The following TMPRSS11A variants were observed in gnomAD, a reference collection of about 807,000 sequenced individuals.
The protein encoded by TMPRSS11A is transmembrane protease serine 11A.
A neutral mutation model predicts 58.9 loss-of-function variants in TMPRSS11A; 53 were observed. The ratio of observed to expected loss-of-function variants is 0.90; its 90% CI spans 0.72 to 1.13. The LOEUF is 1.13. Among genes scored for constraint, TMPRSS11A ranks in the 50% most tolerant of loss-of-function variants. The pLI, the probability that TMPRSS11A is intolerant of heterozygous loss-of-function variation, is 0.00. For synonymous variants in TMPRSS11A, 167 were observed against 169.8 expected (o/e 0.98, Z 0.13); for missense variants, 493 against 499.3 (o/e 0.99, Z 0.12).
At chr4:67,939,637 A>G (rs566423040) in intron 3 of TMPRSS11A, among the ~76,000 whole-genome samples, 1 of 152,154 alleles carries the variant, frequency 6.6e-6, no homozygotes, top group African/African-American at 2.4e-5. Flanking sequence ...GTTTAATTTT[A>G]TCAAAAGCTT....
chr4:67,930,171 A>T (rs1332413171), intron 4 of TMPRSS11A, 131 bp from the exon 5 acceptor site: 1 of 675,886 alleles, frequency 1.5e-6, no homozygotes, highest in East Asian at 2.7e-5. Flanking sequence ...CTCTCATGTC[A>T]TTCTGACCCA....
intron 1 of TMPRSS11A, among the ~76,000 whole-genome samples, chr4:67,961,658 A>G (rs960598324): frequency 6.6e-6 from 1 of 151,600 alleles, no homozygotes; most frequent in African/African-American, 2.4e-5. Context: ...CTACAGGTGC[A>G]TGCGCCACCA....
At chr4:67,927,899 C>T (rs533077146) in intron 5 of TMPRSS11A, among the ~76,000 whole-genome samples, 5 of 152,226 alleles carry the variant, frequency 3.3e-5, no homozygotes, top group South Asian at 2.1e-4. Flanking sequence ...CCTTGTATAT[C>T]GTTATAATCT....
intron 3 of TMPRSS11A, among the ~76,000 whole-genome samples, chr4:67,936,042 A>G (rs1265890213): frequency 1.3e-5 from 2 of 152,084 alleles, no homozygotes; most frequent in Non-Finnish European, 1.5e-5. Context: ...TAGAAGAGGA[A>G]GTGACTTGCC....
At chr4:67,948,459 T>C (rs1721082074) in intron 1 of TMPRSS11A, among the ~76,000 whole-genome samples, 1 of 152,180 alleles carries the variant, frequency 6.6e-6, no homozygotes, top group Admixed American at 6.5e-5. Flanking sequence ...CACCCGGTCT[T>C]ACAAAAGTTT....
chr4:67,961,673 C>T (rs926043469), intron 1 of TMPRSS11A, among the ~76,000 whole-genome samples: 10 of 151,648 alleles, frequency 6.6e-5, no homozygotes, highest in African/African-American at 2.2e-4. Context: ...CCACCATGCC[C>T]GGCTAATTGT....
chr4:67,935,468 T>C (rs1228825990), intron 3 of TMPRSS11A, among the ~76,000 whole-genome samples: 1 of 152,214 alleles, frequency 6.6e-6, no homozygotes, highest in Non-Finnish European at 1.5e-5. Flanking sequence ...GTCTCAATTT[T>C]TCTTATCCCT....
At chr4:67,924,104 T>C in intron 6 of TMPRSS11A, 24 bp downstream of exon 6, 1 of 1,604,736 alleles carries the variant, frequency 6.2e-7, no homozygotes, top group Non-Finnish European at 8.5e-7. Flanking sequence ...ATTGAACTTG[T>C]TTATATAAGC....
intron 5 of TMPRSS11A, among the ~76,000 whole-genome samples, chr4:67,926,541 G>A (rs917272144): frequency 7.2e-5 from 11 of 152,188 alleles, no homozygotes; most frequent in Non-Finnish European, 4.4e-5. Context: ...ACATCCCTGA[G>A]GCAGCCGACT....
chr4:67,919,007 G>A lies in TMPRSS11A; in HGVS notation c.918C>T (p.Val306=), dbSNP rs1185524733. The change falls in exon 8 of 10, where the codon GTC becomes GTT. Residue 306 remains valine (V), a synonymous_variant. Coordinates refer to ENST00000508048, the MANE Select transcript of TMPRSS11A (RefSeq NM_001114387.2). The part of the protein sequence containing the change: ...ASASFQPNLT[V]HITGFGALYY... ...AAAGTGCTCCAAATCCTGTGATGTG[G>A]ACAGTCAAATTTGGTTGGAAGGATG... 6.2e-7 allele frequency: 1 copy of A among 1,614,026 alleles called. No individual in the cohort carries two copies.
chr4:67,952,327 G>T (rs183577683), intron 1 of TMPRSS11A, among the ~76,000 whole-genome samples: 30 of 152,244 alleles, frequency 2.0e-4, no homozygotes, highest in Non-Finnish European at 1.8e-4. Flanking sequence ...CCTTGAGAAA[G>T]ATTCTTTTTC....
At position 67,919,138 on chromosome 4, in the gene TMPRSS11A, T is replaced by G. The variant is rs1445731569; in HGVS notation, c.787A>C (p.Lys263Gln). The G allele has an allele frequency of 3.7e-6, 6 of 1,614,208 alleles. No homozygotes were observed. ...TACTCTCTTGCTGCAGAGCGGTACT[T>G]CTCATGGATAATAAATCTTCTGACA... ...RNVRRFIIHE[K>Q]YRSAAREYDI... Residue 263 changes from lysine (K) to glutamine (Q), a missense_variant, in exon 8 of 10, where the codon AAG becomes CAG. Transcript: ENST00000508048.
At chr4:67,942,952 TGTAC>T (rs1273267033) in intron 3 of TMPRSS11A, among the ~76,000 whole-genome samples, 4 of 152,130 alleles carry the variant, frequency 2.6e-5, no homozygotes, top group African/African-American at 9.7e-5. Context: ...TAAAAGCAAG[TGTAC>T]GCAAAATAGC....
intron 1 of TMPRSS11A, among the ~76,000 whole-genome samples, chr4:67,955,128 T>C (rs1449413330): frequency 6.6e-6 from 1 of 152,100 alleles, no homozygotes; most frequent in Admixed American, 6.6e-5. Context: ...TTTAGATAGG[T>C]AAGGTGTCAG....
Position 67,930,251 on chromosome 4 carries a change from G to A in TMPRSS11A, c.321-211C>T, listed in dbSNP as rs569883483. Among the ~76,000 whole-genome samples the A allele has an allele frequency of 2.4e-4, 37 of 152,154 alleles. No homozygotes were observed. In the South Asian group the frequency reaches 7.7e-3, roughly 32 times the overall value. On this transcript the variant is annotated intron_variant, in intron 4 of 9. Coordinates refer to ENST00000508048, the MANE Select transcript of TMPRSS11A (RefSeq NM_001114387.2). ...AGTGCATTTCCCCCATTAATTTGAAGGATTGTTACAGCAGCTAGGAATGAC... is the reference window on the plus strand; with the variant it reads ...AGTGCATTTCCCCCATTAATTTGAAAGATTGTTACAGCAGCTAGGAATGAC...
chr4:67,939,142 T>C (rs924013990), intron 3 of TMPRSS11A, among the ~76,000 whole-genome samples: 1 of 144,260 alleles, frequency 6.9e-6, no homozygotes, highest in African/African-American at 2.7e-5. Context: ...CTTGGTTAGA[T>C]GTATTCCTAG....
At chr4:67,930,703 C>G (rs775887626) in intron 4 of TMPRSS11A, among the ~76,000 whole-genome samples, 1 of 147,718 alleles carries the variant, frequency 6.8e-6, no homozygotes, top group Admixed American at 6.9e-5. Flanking sequence ...ACCTGAGGAA[C>G]TAAACTTTTA....
chr4:67,911,436 C>G lies in TMPRSS11A; in HGVS notation c.1163G>C (p.Ser388Thr). The G allele has an allele frequency of 6.2e-7, 1 of 1,613,604 alleles. No individual in the cohort carries two copies. Among genetic ancestry groups the G allele is most frequent in the Non-Finnish European group, 8.5e-7 (1 of 1,179,618 alleles). Residue 388 changes from serine to threonine, a missense_variant, in exon 10 of 10, where the codon AGC (serine) becomes ACC (threonine). Coordinates refer to ENST00000508048, the MANE Select transcript of TMPRSS11A (RefSeq NM_001114387.2). ...KDTWYLIGIV[S>T]WGDNCGQKDK... Reference sequence around the variant, plus strand: ...CTTTTGACCACAGTTATCTCCCCAGCTTACAATTCCAATGAGATACCACGT... The same window carrying G: ...CTTTTGACCACAGTTATCTCCCCAGGTTACAATTCCAATGAGATACCACGT...
At chr4:67,956,541 A>G (rs1462544910) in intron 1 of TMPRSS11A, among the ~76,000 whole-genome samples, 1 of 152,220 alleles carries the variant, frequency 6.6e-6, no homozygotes, top group Admixed American at 6.5e-5. Flanking sequence ...TAACTCTGTG[A>G]TCTGAGGCAA....
Sources: gnomAD v4.1 joint callset for allele counts (sites outside exome capture counted in the v4.1 genomes callset) on GRCh38, gnomAD v4.1.1 for gene constraint, MANE v1.5 for transcripts, NCBI Gene and HGNC (gene_info 2026-07-23, HGNC 2026-07-21) for gene names.